Variants in ZNF385B observed in about 807,000 individuals in gnomAD.
The protein encoded by ZNF385B is zinc finger protein 533.
In ZNF385B, 23 loss-of-function variants were observed where a neutral mutation model predicts 39.2. That is an observed-to-expected ratio of 0.59 (90% CI 0.42 to 0.83). The LOEUF is 0.83. ZNF385B is among the 40% of genes least tolerant of loss of function. The pLI, the probability that ZNF385B is intolerant of heterozygous loss-of-function variation, is 0.00. For missense variants in ZNF385B, 552 were observed against 598.9 expected, an observed-to-expected ratio of 0.92 and a Z score of 0.82; for synonymous variants, 205 against 222.6, an observed-to-expected ratio of 0.92 and a Z score of 0.70.
chr2:179,455,423 A>G (rs2050580085), intron 6 of ZNF385B, among the ~76,000 whole-genome samples: 1 of 152,072 alleles, frequency 6.6e-6, no homozygotes. Flanking sequence ...GTGAGTTCTC[A>G]TGAGATCTGA....
At chr2:179,764,246 A>C (rs1041579296) in intron 3 of ZNF385B, among the ~76,000 whole-genome samples, 1 of 152,036 alleles carries the variant, frequency 6.6e-6, no homozygotes, top group Admixed American at 6.6e-5. Flanking sequence ...TCCCTACTTC[A>C]TCAGATATTA....
chr2:179,775,412 C>T (rs1372208567), intron 1 of ZNF385B, among the ~76,000 whole-genome samples: 4 of 152,204 alleles, frequency 2.6e-5, no homozygotes, highest in African/African-American at 9.7e-5. Context: ...GAACTCTCTG[C>T]ATAACAGTCC....
chr2:179,533,273 C>A (rs2059368128), intron 4 of ZNF385B, among the ~76,000 whole-genome samples: 1 of 152,118 alleles, frequency 6.6e-6, no homozygotes, highest in East Asian at 1.9e-4. Context: ...TCTGAGGGAA[C>A]TGATGTAAGA....
intron 3 of ZNF385B, among the ~76,000 whole-genome samples, chr2:179,555,275 C>A (rs2060832466): frequency 6.7e-6 from 1 of 149,224 alleles, no homozygotes; most frequent in South Asian, 2.1e-4. Flanking sequence ...AGCGTAAAAC[C>A]AGGCAAAGTA....
intron 3 of ZNF385B, among the ~76,000 whole-genome samples, chr2:179,556,334 T>A (rs889881013): frequency 6.0e-5 from 9 of 149,930 alleles, no homozygotes; most frequent in Admixed American, 6.0e-4. Flanking sequence ...TTTAAATAAA[T>A]TTATGGGGTT....
At chr2:179,719,204 G>A (rs184519755) in intron 3 of ZNF385B, among the ~76,000 whole-genome samples, 60 of 152,012 alleles carry the variant, frequency 3.9e-4, no homozygotes, top group Admixed American at 3.2e-3. Flanking sequence ...GGACATCCAG[G>A]GTAAACATCC....
At chr2:179,455,237 T>C (rs972046466) in intron 6 of ZNF385B, among the ~76,000 whole-genome samples, 4 of 152,086 alleles carry the variant, frequency 2.6e-5, no homozygotes, top group Non-Finnish European at 2.9e-5. Context: ...TAACCTGTTA[T>C]ATAGGTGTGT....
intron 1 of ZNF385B, among the ~76,000 whole-genome samples, chr2:179,850,770 TATA>T (rs1422998142): frequency 6.6e-6 from 1 of 152,196 alleles, no homozygotes; most frequent in African/African-American, 2.4e-5. Flanking sequence ...TTCTCGTGCT[TATA>T]ATAAGGCTTG....
At chr2:179,478,741 C>T (rs1021309278) in intron 6 of ZNF385B, among the ~76,000 whole-genome samples, 2 of 152,154 alleles carry the variant, frequency 1.3e-5, no homozygotes, top group Non-Finnish European at 2.9e-5. Context: ...AAAGCCCAGA[C>T]ATATGGACTA....
intron 1 of ZNF385B, among the ~76,000 whole-genome samples, chr2:179,843,271 C>G (rs1708635339): frequency 1.3e-5 from 2 of 152,164 alleles, no homozygotes; most frequent in African/African-American, 4.8e-5. Flanking sequence ...CACAGGGGAA[C>G]TAGCTACCTA....
chr2:179,650,006 T>A (rs1231327338), intron 3 of ZNF385B, among the ~76,000 whole-genome samples: 2 of 152,210 alleles, frequency 1.3e-5, no homozygotes, highest in African/African-American at 4.8e-5. Flanking sequence ...AGAAAAGAAA[T>A]GTCATGCCTG....
intron 3 of ZNF385B, among the ~76,000 whole-genome samples, chr2:179,750,516 C>T (rs1182300485): frequency 6.6e-6 from 1 of 152,056 alleles, no homozygotes; most frequent in Non-Finnish European, 1.5e-5. Context: ...GAGACAATTC[C>T]TGAGTGCTCT....
chr2:179,507,664 C>T (rs2057351226), intron 5 of ZNF385B, among the ~76,000 whole-genome samples: 1 of 152,108 alleles, frequency 6.6e-6, no homozygotes, highest in Non-Finnish European at 1.5e-5. Context: ...GGGTATTTCT[C>T]AGATCTTCCT....
chr2:179,803,422 T>A (rs1372719628), intron 1 of ZNF385B, among the ~76,000 whole-genome samples: 1 of 152,180 alleles, frequency 6.6e-6, no homozygotes, highest in Non-Finnish European at 1.5e-5. Context: ...TATATATGCC[T>A]GATTTTGAAT....
At chr2:179,649,349 G>A (rs1693009366) in intron 3 of ZNF385B, among the ~76,000 whole-genome samples, 2 of 152,216 alleles carry the variant, frequency 1.3e-5, no homozygotes, top group South Asian at 4.1e-4. Flanking sequence ...TGAGGTCTGA[G>A]GATTGGGTAT....
At chr2:179,779,444 C>T (rs1204956885) in intron 1 of ZNF385B, among the ~76,000 whole-genome samples, 2 of 152,310 alleles carry the variant, frequency 1.3e-5, no homozygotes, top group Non-Finnish European at 2.9e-5. Context: ...TGTGAGCTGT[C>T]AGTCTAGGGA....
Position 179,559,682 on chromosome 2 carries a change from G to A in ZNF385B, c.299-14713C>T, listed in dbSNP as rs183975802. On this transcript the variant is annotated intron_variant, in intron 3 of 9. Coordinates refer to ENST00000410066, the MANE Select transcript of ZNF385B (RefSeq NM_152520.6). ...ATATAAAATTTATAGTGTACAATGT[G>A]ATATTTTGATGCATATATATATAGT... is the stretch of plus-strand genomic sequence containing the variant. 1.9e-3 allele frequency among the ~76,000 whole-genome samples: 286 copies of A among 151,908 alleles called. 1 individual carries two copies. The highest frequency in any genetic ancestry group is 3.5e-3 in the Admixed American group (54 of 15,238).
chr2:179,631,522 A>C (rs1477294929), intron 3 of ZNF385B, among the ~76,000 whole-genome samples: 1 of 152,212 alleles, frequency 6.6e-6, no homozygotes, highest in East Asian at 1.9e-4. Flanking sequence ...TGAAGGAAGC[A>C]CTAAACATGG....
chr2:179,449,356 C>T (rs1031449625), intron 6 of ZNF385B, among the ~76,000 whole-genome samples: 7 of 151,998 alleles, frequency 4.6e-5, no homozygotes, highest in Non-Finnish European at 8.8e-5. Flanking sequence ...AGAAGGCCAT[C>T]GTCTCAGCCC....
Sources: allele counts gnomAD v4.1 joint callset (sites outside exome capture counted in the v4.1 genomes callset), GRCh38; gene constraint gnomAD v4.1.1; transcripts MANE v1.5; gene names NCBI Gene and HGNC (gene_info 2026-07-23, HGNC 2026-07-21).